MAGI2: variants seen among roughly 807,000 people sequenced by gnomAD.
The protein encoded by MAGI2 is membrane associated guanylate kinase, WW and PDZ domain containing 2, also known as membrane-associated guanylate kinase, WW and PDZ domain-containing protein 2.
Under a neutral mutation model 133.3 loss-of-function variants are expected in MAGI2, and 35 were observed. That is an observed-to-expected ratio of 0.26 (90% CI 0.20 to 0.35). The LOEUF is 0.35. Ranked by LOEUF, MAGI2 falls within the 10% of genes least tolerant of loss-of-function variation. MAGI2 has a pLI of 1.00. For synonymous variants in MAGI2, 729 were observed against 710.6 expected, an observed-to-expected ratio of 1.03 and a Z score of -0.41; for missense variants, 1,636 against 1,863.4, an observed-to-expected ratio of 0.88 and a Z score of 2.25.
intron 9 of MAGI2, among the ~76,000 whole-genome samples, chr7:78,286,504 C>T (rs1041354481): frequency 3.9e-5 from 6 of 152,036 alleles, no homozygotes; most frequent in African/African-American, 1.2e-4. Context: ...TAGGAATTGG[C>T]AAGTTAAAGG....
chr7:78,295,559 G>T (rs190917947), intron 9 of MAGI2, among the ~76,000 whole-genome samples: 37 of 152,182 alleles, frequency 2.4e-4, no homozygotes, highest in African/African-American at 8.4e-4. Flanking sequence ...TCTTCACTTG[G>T]CTTCCAGAAT....
intron 2 of MAGI2, among the ~76,000 whole-genome samples, chr7:78,964,450 A>G (rs969820875): frequency 1.3e-5 from 2 of 152,000 alleles, no homozygotes; most frequent in Non-Finnish European, 2.9e-5. Context: ...GTTTTGGTGA[A>G]CCAATTAAGT....
intron 9 of MAGI2, among the ~76,000 whole-genome samples, chr7:78,290,340 G>C (rs1468397250): frequency 6.6e-6 from 1 of 152,074 alleles, no homozygotes; most frequent in Non-Finnish European, 1.5e-5. Flanking sequence ...AAGGTCAAAA[G>C]AGACAAAGAA....
intron 4 of MAGI2, among the ~76,000 whole-genome samples, chr7:78,507,785 A>G (rs923416578): frequency 1.3e-5 from 2 of 152,210 alleles, no homozygotes; most frequent in Non-Finnish European, 2.9e-5. Flanking sequence ...GCATTATTAG[A>G]AACATTTATT....
chr7:78,104,764 G>C (rs1174807217), intron 20 of MAGI2, among the ~76,000 whole-genome samples: 1 of 151,988 alleles, frequency 6.6e-6, no homozygotes, highest in Non-Finnish European at 1.5e-5. Context: ...AAGCCTTCAC[G>C]GATCCCTGCC....
intron 1 of MAGI2, among the ~76,000 whole-genome samples, chr7:79,208,204 AG>A (rs1829224409): frequency 6.6e-6 from 1 of 152,014 alleles, no homozygotes; most frequent in Non-Finnish European, 1.5e-5. Context: ...CAAACTAAAA[AG>A]CTTCTGCACA....
chr7:78,635,012 T>C (rs1037050986), intron 2 of MAGI2, among the ~76,000 whole-genome samples: 9 of 152,238 alleles, frequency 5.9e-5, no homozygotes, highest in African/African-American at 2.2e-4. Context: ...CTTTGTTTCA[T>C]CTTTTAGTAA....
At chr7:78,743,251 T>C (rs1822599135) in intron 2 of MAGI2, among the ~76,000 whole-genome samples, 1 of 152,166 alleles carries the variant, frequency 6.6e-6, no homozygotes, top group Non-Finnish European at 1.5e-5. Context: ...TAAGCTGCAA[T>C]CAAAATGCCT....
chr7:79,099,551 G>A (rs1473393561), intron 1 of MAGI2, among the ~76,000 whole-genome samples: 1 of 152,136 alleles, frequency 6.6e-6, no homozygotes, highest in Non-Finnish European at 1.5e-5. Flanking sequence ...CATAAGGGAT[G>A]GATGTACAGA....
chr7:78,576,962 C>CA (rs1700508830), intron 3 of MAGI2, among the ~76,000 whole-genome samples: 1 of 152,038 alleles, frequency 6.6e-6, no homozygotes, highest in Non-Finnish European at 1.5e-5. Context: ...GCAAACAAAA[C>CA]AAAAAACCCA....
intron 1 of MAGI2, among the ~76,000 whole-genome samples, chr7:79,162,440 G>T (rs774192235): frequency 3.3e-5 from 5 of 151,940 alleles, no homozygotes; most frequent in Non-Finnish European, 7.4e-5. Flanking sequence ...AGGGACTATC[G>T]AGGAAGAGGT....
intron 2 of MAGI2, among the ~76,000 whole-genome samples, chr7:78,645,640 GGTGTGTGTGTGT>G (rs59287974): frequency 9.5e-5 from 14 of 147,346 alleles, no homozygotes; most frequent in African/African-American, 2.0e-4. Flanking sequence ...ATATAAGTGT[GGTGTGTGTGTGT>G]GTGTGTGTGT....
chr7:78,678,340 A>T (rs1815274263), intron 2 of MAGI2, among the ~76,000 whole-genome samples: 1 of 152,100 alleles, frequency 6.6e-6, no homozygotes, highest in Non-Finnish European at 1.5e-5. Flanking sequence ...AGGGCTCATC[A>T]TCCTTTAACC....
At chr7:78,852,829 T>C (rs556221346) in intron 2 of MAGI2, among the ~76,000 whole-genome samples, 1 of 152,200 alleles carries the variant, frequency 6.6e-6, no homozygotes, top group South Asian at 2.1e-4. Flanking sequence ...GGTGGCAACA[T>C]AAAAAGACAG....
At chr7:78,324,871 C>T (rs889975411) in intron 9 of MAGI2, among the ~76,000 whole-genome samples, 4 of 152,050 alleles carry the variant, frequency 2.6e-5, no homozygotes, top group African/African-American at 9.7e-5. Flanking sequence ...GAGGCTGAGG[C>T]AGGAGAATCG....
chr7:78,772,124 A>T, intron 2 of MAGI2, among the ~76,000 whole-genome samples: 1 of 152,128 alleles, frequency 6.6e-6, no homozygotes, highest in East Asian at 1.9e-4. Context: ...CTAAAGAGTA[A>T]ATTTGACACC....
intron 2 of MAGI2, among the ~76,000 whole-genome samples, chr7:78,795,431 G>T (rs1787524986): frequency 6.6e-6 from 1 of 151,888 alleles, no homozygotes; most frequent in South Asian, 2.1e-4. Context: ...ATCTGCAGAA[G>T]AAATCAAGAA....
At chr7:79,293,825 T>C (rs1242533705) in intron 1 of MAGI2, among the ~76,000 whole-genome samples, 2 of 152,192 alleles carry the variant, frequency 1.3e-5, no homozygotes, top group Non-Finnish European at 2.9e-5. Flanking sequence ...TTTTATGCTG[T>C]AGGCACAGTG....
At chr7:78,303,430 G>T (rs13227573) in intron 9 of MAGI2, among the ~76,000 whole-genome samples, 26,575 of 146,528 alleles carry the variant, frequency 0.18, 3,144 homozygotes, top group Middle Eastern at 0.3. Flanking sequence ...GAATCATCTG[G>T]ATATCTTTAA....
Sources: allele counts gnomAD v4.1 joint callset (sites outside exome capture counted in the v4.1 genomes callset), GRCh38; gene constraint gnomAD v4.1.1; transcripts MANE v1.5; gene names NCBI Gene and HGNC (gene_info 2026-07-23, HGNC 2026-07-21).